Variants in RAB4B observed in about 807,000 individuals in gnomAD.
RAB4B encodes ras-related protein Rab-4B.
RAB4B carries 15 observed loss-of-function variants against 28.3 expected under a neutral mutation model. The observed-to-expected ratio is 0.53, with a 90% CI of 0.35 to 0.82. RAB4B has a LOEUF of 0.82. RAB4B is among the 40% of genes least tolerant of loss of function. RAB4B has a pLI of 0.01. For synonymous variants in RAB4B, 108 were observed against 116.3 expected, an observed-to-expected ratio of 0.93 and a Z score of 0.46; for missense variants, 244 against 288.5, an observed-to-expected ratio of 0.85 and a Z score of 1.12.
intron 3 of RAB4B, among the ~76,000 whole-genome samples, chr19:40,782,038 A>C (rs911161398): frequency 2.1e-5 from 3 of 143,708 alleles, no homozygotes; most frequent in Non-Finnish European, 4.7e-5. Flanking sequence ...AAAAAAAAAA[A>C]ACCTTAGGAG....
chr19:40,789,960 G>A (rs1039375104), intron 7 of RAB4B, among the ~76,000 whole-genome samples: 2 of 152,220 alleles, frequency 1.3e-5, no homozygotes, highest in African/African-American at 2.4e-5. Flanking sequence ...GTCGGTGAGG[G>A]TGACCAAAGC....
At chr19:40,785,946 G>A (rs756934872) in intron 5 of RAB4B, 3 of 160,472 alleles carry the variant, frequency 1.9e-5, no homozygotes, top group South Asian at 1.6e-4. Flanking sequence ...GGCCAGTACT[G>A]GGGGGGCAGG....
chr19:40,781,781 G>A (rs541037901), intron 3 of RAB4B, among the ~76,000 whole-genome samples: 4 of 152,116 alleles, frequency 2.6e-5, no homozygotes, highest in Non-Finnish European at 5.9e-5. Flanking sequence ...CAGCATTTTG[G>A]GAGGCCGAGG....
chr19:40,794,559 G>A (rs775609176), intron 7 of RAB4B: 3 of 151,768 alleles, frequency 2.0e-5, no homozygotes, highest in Admixed American at 6.6e-5. Flanking sequence ...TATTATATAT[G>A]ATGCACTCTG....
chr19:40,796,573 A>C lies in RAB4B; in HGVS notation c.*19A>C, dbSNP rs2083211927. 6.6e-6 allele frequency: 1 copy of C among 152,618 alleles called. No homozygotes were observed. The highest frequency in any genetic ancestry group is 1.5e-5 in the Non-Finnish European group (1 of 68,150). 9.5% of individuals were successfully genotyped at this position (152,618 alleles called of 1,614,324 possible). A position where few individuals can be genotyped will look rare whatever the true frequency, so the allele number is the denominator to read the frequency against. ...TCACCACACCCTTCTCTTTCAGCTC[A>C]CCTGTTCTCCAGGACCAGCCCTGCT... On this transcript the variant is annotated 3_prime_UTR_variant, in exon 8 of 8. Transcript: ENST00000357052.
intron 7 of RAB4B, among the ~76,000 whole-genome samples, chr19:40,791,710 C>T (rs2604909): frequency 0.21 from 32,021 of 151,804 alleles, 3,469 homozygotes; most frequent in Middle Eastern, 0.27. Flanking sequence ...TTCGGCTCAC[C>T]GCAACCTCCG....
At chr19:40,785,004 G>A (rs977734580) in intron 5 of RAB4B, among the ~76,000 whole-genome samples, 10 of 151,936 alleles carry the variant, frequency 6.6e-5, no homozygotes, top group Admixed American at 5.3e-4. Flanking sequence ...TAGTAGAGAC[G>A]GGGTTTCACC....
At chr19:40,789,389 A>G (rs1386801930) in intron 7 of RAB4B, among the ~76,000 whole-genome samples, 3 of 147,612 alleles carry the variant, frequency 2.0e-5, no homozygotes, top group Admixed American at 1.4e-4. Flanking sequence ...TTTAGTAGAG[A>G]CGGGGTTTCT....
intron 5 of RAB4B, 142 bp downstream of exon 5, chr19:40,784,217 T>C: frequency 8.4e-7 from 1 of 1,196,430 alleles, no homozygotes; most frequent in South Asian, 1.8e-5. Flanking sequence ...GTTGGCTGGG[T>C]GTAGTGGCTC....
rs1264141377 is a variant in RAB4B, at chr19:40,783,958, G to T, written c.313G>T (p.Asp105Tyr). ...CAACTCACTGGCTGCCTGGCTGACG[G>T]ATGCCCGCACCCTGGCCAGCCCCAA... Reference protein sequence around the residue: ...TYNSLAAWLTDARTLASPNIV... With the variant: ...TYNSLAAWLTYARTLASPNIV... Residue 105 changes from aspartate to tyrosine, a missense_variant, in exon 5 of 8, where the codon GAT becomes TAT. Physicochemically the swap from Asp to Tyr is radical, Grantham distance 160 (BLOSUM62 -3). Coordinates refer to ENST00000357052, the MANE Select transcript of RAB4B (RefSeq NM_016154.5). 2.5e-6 allele frequency: 4 copies of T among 1,613,166 alleles called. No homozygotes were observed. Among genetic ancestry groups the T allele is most frequent in the Non-Finnish European group, 3.4e-6 (4 of 1,179,304 alleles).
intron 7 of RAB4B, among the ~76,000 whole-genome samples, chr19:40,791,303 T>C (rs1261598942): frequency 6.6e-6 from 1 of 152,190 alleles, no homozygotes; most frequent in East Asian, 1.9e-4. Flanking sequence ...CCTGTCTCCT[T>C]TTGATGCAGC....
At chr19:40,786,452 G>A in intron 5 of RAB4B, 1 of 629,410 alleles carries the variant, frequency 1.6e-6, no homozygotes, top group Non-Finnish European at 2.6e-6. Flanking sequence ...ACTTCTTGGA[G>A]GAGGAGCTGT....
chr19:40,783,841 G>A lies in RAB4B; in HGVS notation c.275+1G>A. The A allele has an allele frequency of 6.3e-7, 1 of 1,578,170 alleles. No homozygotes were observed. Among genetic ancestry groups the A allele is most frequent in the Non-Finnish European group, 8.6e-7 (1 of 1,157,896 alleles). On this transcript the variant is annotated splice_donor_variant, in intron 4 of 7. Transcript: ENST00000357052. LOFTEE classifies it high-confidence loss of function. ...CCCTGCTGGTGTACGACATCACCAG[G>A]TGGGTGCCCGGGGTGGGTGGGGTAG...
At chr19:40,793,083 C>T (rs1325228371) in intron 7 of RAB4B, among the ~76,000 whole-genome samples, 1 of 151,852 alleles carries the variant, frequency 6.6e-6, no homozygotes, top group Non-Finnish European at 1.5e-5. Context: ...GGCCTCAGAA[C>T]GTTTTCATTA....
intron 5 of RAB4B, among the ~76,000 whole-genome samples, chr19:40,785,266 G>A (rs766595717): frequency 2.0e-5 from 3 of 149,920 alleles, no homozygotes; most frequent in Non-Finnish European, 4.4e-5. Context: ...AGCATTTTGG[G>A]AGGCCAAGGT....
At chr19:40,779,771 AC>A in intron 1 of RAB4B, 1 of 932,834 alleles carries the variant, frequency 1.1e-6, no homozygotes. Flanking sequence ...CGACAAAAAA[AC>A]CCCTGCACAT....
chr19:40,793,593 T>TAA (rs1568496168), intron 7 of RAB4B, among the ~76,000 whole-genome samples: 4 of 81,230 alleles, frequency 4.9e-5, no homozygotes, highest in Admixed American at 1.9e-4. Flanking sequence ...TTTTTTTTTT[T>TAA]TTAGATATGG....
In RAB4B at chr19:40,783,786, C is replaced by T. The variant is rs750712433; in HGVS notation, c.221C>T (p.Thr74Met). ...TCCCCCTGGCCCCACAGGTCAGTGA[C>T]GCGGAGTTATTACCGAGGGGCGGCT... Reference protein sequence around the residue: ...TAGQERFRSVTRSYYRGAAGA... With the variant: ...TAGQERFRSVMRSYYRGAAGA... The change falls in exon 4 of 8, where the codon ACG becomes ATG. Residue 74 changes from threonine to methionine, a missense_variant. By Grantham distance (81) the Thr-to-Met change is moderately conservative. Coordinates refer to ENST00000357052, the MANE Select transcript of RAB4B (RefSeq NM_016154.5). The T allele has an allele frequency of 1.7e-5, 25 of 1,509,416 alleles. No individual in the cohort carries two copies. Among genetic ancestry groups the T allele is most frequent in the South Asian group, 5.9e-5 (5 of 84,956 alleles). 93.5% of individuals were successfully genotyped at this position (1,509,416 alleles called of 1,614,324 possible).
chr19:40,779,154 GGCTATA>G (rs1415036756), intron 1 of RAB4B: 5 of 343,910 alleles, frequency 1.5e-5, no homozygotes, highest in African/African-American at 9.0e-5. Context: ...GAGGAACAAG[GGCTATA>G]TCGTAGTCCT....
Sources: gnomAD v4.1 joint callset for allele counts (sites outside exome capture counted in the v4.1 genomes callset) on GRCh38, gnomAD v4.1.1 for gene constraint, MANE v1.5 for transcripts, NCBI Gene and HGNC (gene_info 2026-07-23, HGNC 2026-07-21) for gene names.